The following TAFA1 variants were observed in gnomAD, a reference collection of about 807,000 sequenced individuals.
TAFA1 encodes the protein TAFA chemokine like family member 1, also known as chemokine-like protein TAFA-1.
In TAFA1, 4 loss-of-function variants were observed where a neutral mutation model predicts 18.5. That is an observed-to-expected ratio of 0.22 (90% confidence interval 0.11 to 0.49). The LOEUF (loss-of-function observed/expected upper bound fraction) is 0.49, where lower values mean the gene tolerates loss of function less well. Among genes scored for constraint, TAFA1 ranks in the 20% least tolerant of loss-of-function variants. The pLI, the probability that TAFA1 is intolerant of heterozygous loss-of-function variation, is 0.98. For missense variants in TAFA1, 147 were observed against 169.0 expected, an observed-to-expected ratio of 0.87 and a Z score of 0.72; for synonymous variants, 56 against 55.2, an observed-to-expected ratio of 1.01 and a Z score of -0.06.
At chr3:68,020,006 C>G (rs531860970) in intron 2 of TAFA1, among the ~76,000 whole-genome samples, 21 of 152,308 alleles carry the variant, frequency 1.4e-4, no homozygotes, top group Non-Finnish European at 2.6e-4. Context: ...AATTCAGAAA[C>G]AACCAGAATA....
At chr3:68,228,310 C>A (rs1416359638) in intron 2 of TAFA1, among the ~76,000 whole-genome samples, 2 of 152,098 alleles carry the variant, frequency 1.3e-5, no homozygotes, top group Non-Finnish European at 2.9e-5. Flanking sequence ...GTGGCTTTTA[C>A]AGGCACGATT....
chr3:68,008,975 T>C (rs1420413176), intron 2 of TAFA1, among the ~76,000 whole-genome samples: 2 of 152,186 alleles, frequency 1.3e-5, no homozygotes, highest in Non-Finnish European at 2.9e-5. Context: ...CGAATAAGTC[T>C]TTTGTAAGCT....
At chr3:68,365,321 C>G (rs1321376733) in intron 2 of TAFA1, among the ~76,000 whole-genome samples, 1 of 152,152 alleles carries the variant, frequency 6.6e-6, no homozygotes, top group African/African-American at 2.4e-5. Flanking sequence ...TCTGGCCGCT[C>G]TACCTGCTGC....
chr3:68,082,302 C>G (rs374377460), intron 2 of TAFA1, among the ~76,000 whole-genome samples: 1 of 152,160 alleles, frequency 6.6e-6, no homozygotes, highest in South Asian at 2.1e-4. Context: ...AGCTGTAGAC[C>G]GGAGCTGTTC....
At chr3:68,275,662 C>G (rs1337203174) in intron 2 of TAFA1, among the ~76,000 whole-genome samples, 1 of 151,976 alleles carries the variant, frequency 6.6e-6, no homozygotes, top group Non-Finnish European at 1.5e-5. Flanking sequence ...GAGGAGGTGA[C>G]ATTTGAACGG....
intron 2 of TAFA1, among the ~76,000 whole-genome samples, chr3:68,012,097 C>G (rs1704484293): frequency 6.6e-6 from 1 of 152,174 alleles, no homozygotes; most frequent in African/African-American, 2.4e-5. Context: ...ACAATTTGAA[C>G]TCTTTTAAAC....
intron 2 of TAFA1, among the ~76,000 whole-genome samples, chr3:68,145,941 G>A (rs2065735173): frequency 6.6e-6 from 1 of 152,050 alleles, no homozygotes; most frequent in South Asian, 2.1e-4. Flanking sequence ...ACAACCCGGG[G>A]GACATGGTCC....
chr3:68,499,448 T>C (rs111915118), intron 3 of TAFA1, among the ~76,000 whole-genome samples: 3 of 89,850 alleles, frequency 3.3e-5, no homozygotes, highest in African/African-American at 1.4e-4. Flanking sequence ...GTTCCTTTCT[T>C]TTTTTTTTTT....
At chr3:68,095,864 A>C (rs1226099730) in intron 2 of TAFA1, among the ~76,000 whole-genome samples, 1 of 152,078 alleles carries the variant, frequency 6.6e-6, no homozygotes. Context: ...GGGTACACAT[A>C]ATATTTTGTT....
intron 2 of TAFA1, among the ~76,000 whole-genome samples, chr3:68,397,966 A>T (rs2070416601): frequency 6.6e-6 from 1 of 152,184 alleles, no homozygotes; most frequent in Non-Finnish European, 1.5e-5. Flanking sequence ...CCTGAATGGT[A>T]TCAATATCAT....
intron 2 of TAFA1, among the ~76,000 whole-genome samples, chr3:68,119,796 C>T (rs2065367066): frequency 6.6e-6 from 1 of 152,146 alleles, no homozygotes; most frequent in African/African-American, 2.4e-5. Context: ...TAGTTTGAAA[C>T]TAGGAAGTGT....
At chr3:68,220,514 GAA>G (rs927818088) in intron 2 of TAFA1, among the ~76,000 whole-genome samples, 1 of 144,772 alleles carries the variant, frequency 6.9e-6, no homozygotes, top group Non-Finnish European at 1.5e-5. Flanking sequence ...GTGAAGAGAA[GAA>G]AAAAAAAAAC....
intron 2 of TAFA1, among the ~76,000 whole-genome samples, chr3:68,368,421 C>T (rs752178699): frequency 2.0e-5 from 3 of 152,172 alleles, no homozygotes; most frequent in Non-Finnish European, 4.4e-5. Flanking sequence ...GACTTTATCA[C>T]TAGACCGCAA....
chr3:68,262,319 A>G lies in TAFA1; in HGVS notation c.119-154961A>G, dbSNP rs5014032. On this transcript the variant is annotated intron_variant, in intron 2 of 4. Coordinates refer to ENST00000478136, the MANE Select transcript of TAFA1 (RefSeq NM_213609.4). ...TTAGATATGGAGGGTATATATATAT[A>G]TATATATATATATATATATATATAT... is the stretch of plus-strand genomic sequence containing the variant. Among the ~76,000 whole-genome samples, 232 of 51,944 alleles carry G rather than the reference A, an allele frequency of 4.5e-3. 8 individuals carry two copies. The highest frequency in any genetic ancestry group is 0.019 in the African/African-American group (226 of 11,720). 34.1% of individuals were successfully genotyped at this position (51,944 alleles called of 152,430 possible).
chr3:67,999,162 AC>A, the TAFA1 span, among the ~76,000 whole-genome samples: 1 of 152,200 alleles, frequency 6.6e-6, no homozygotes, highest in Non-Finnish European at 1.5e-5. Flanking sequence ...CTTAATAGCT[AC>A]ATGTCAATAG....
At chr3:68,414,414 T>C (rs977494023) in intron 2 of TAFA1, among the ~76,000 whole-genome samples, 2 of 152,034 alleles carry the variant, frequency 1.3e-5, no homozygotes, top group Non-Finnish European at 2.9e-5. Flanking sequence ...GTGTCAAACA[T>C]TTTCTTGGAA....
chr3:68,329,089 G>GTT (rs774883725), intron 2 of TAFA1, among the ~76,000 whole-genome samples: 4 of 120,536 alleles, frequency 3.3e-5, no homozygotes, highest in Non-Finnish European at 5.4e-5. Flanking sequence ...CCACTTTTTT[G>GTT]TTTTTTTTTT....
At chr3:68,282,198 G>T (rs2067910467) in intron 2 of TAFA1, among the ~76,000 whole-genome samples, 1 of 152,168 alleles carries the variant, frequency 6.6e-6, no homozygotes, top group Non-Finnish European at 1.5e-5. Context: ...TCCCTCCCAT[G>T]ACACATGGGG....
chr3:68,379,640 G>A (rs2069891334), intron 2 of TAFA1, among the ~76,000 whole-genome samples: 1 of 151,632 alleles, frequency 6.6e-6, no homozygotes, highest in Non-Finnish European at 1.5e-5. Context: ...TTACACTTAA[G>A]TCTTTAATTT....
Sources: allele counts gnomAD v4.1 joint callset (sites outside exome capture counted in the v4.1 genomes callset), GRCh38; gene constraint gnomAD v4.1.1; transcripts MANE v1.5; gene names NCBI Gene and HGNC (gene_info 2026-07-23, HGNC 2026-07-21).